The following PIGX variants were observed in gnomAD, a reference collection of about 807,000 sequenced individuals.
PIGX encodes the protein GPI alpha-1,4-mannosyltransferase I, stabilizing subunit.
PIGX carries 24 observed loss-of-function variants against 28.7 expected under a neutral mutation model. The ratio of observed to expected loss-of-function variants is 0.84; its 90% CI spans 0.60 to 1.17. The LOEUF is 1.17. PIGX is among the 50% of genes most tolerant of loss of function. PIGX has a pLI of 0.00. For synonymous variants in PIGX, 127 were observed against 121.0 expected, an observed-to-expected ratio of 1.05 and a Z score of -0.33; for missense variants, 305 against 317.8, an observed-to-expected ratio of 0.96 and a Z score of 0.31.
rs1712117246 is a variant in PIGX at position 196,716,855 on chromosome 3, T to C, written c.113-3T>C. The C allele has an allele frequency of 3.2e-6, 5 of 1,563,256 alleles. No homozygotes were observed. Among genetic ancestry groups the C allele is most frequent in the East Asian group, 2.3e-5 (1 of 43,768 alleles). Reference sequence around the variant, plus strand: ...TTAAAAAAAAATCGTTTGGTTCTTATAGGCATAAGGGCCATGTGTTCTGAA... The same window carrying C: ...TTAAAAAAAAATCGTTTGGTTCTTACAGGCATAAGGGCCATGTGTTCTGAA... On this transcript the variant is annotated splice_polypyrimidine_tract_variant and splice_region_variant and intron_variant, in intron 1 of 5. Coordinates refer to ENST00000392391, the MANE Select transcript of PIGX (RefSeq NM_017861.4).
intron 3 of PIGX, among the ~76,000 whole-genome samples, chr3:196,723,616 C>CTT (rs537275236): frequency 7.6e-4 from 103 of 135,088 alleles, no homozygotes; most frequent in East Asian, 3.6e-3. Context: ...CAGATGATTT[C>CTT]TTTTTTTTTT....
At position 196,733,112 on chromosome 3, in the gene PIGX, G is replaced by A. The variant is rs1291000193; in HGVS notation, c.634-647G>A. ...TGAAACATGGTAAGAGGAAGTAAAT[G>A]TTTATATTGATTACAGAGGTGACAC... On this transcript the variant is annotated intron_variant, in intron 5 of 5. Coordinates refer to ENST00000392391, the MANE Select transcript of PIGX (RefSeq NM_017861.4). The surrounding 1 kb of genome is among the most constrained non-coding windows in gnomAD (Gnocchi z 4.3). 2.6e-5 allele frequency among the ~76,000 whole-genome samples: 4 copies of A among 152,152 alleles called. No homozygotes were observed. In the South Asian group the frequency reaches 6.2e-4, roughly 24 times the overall value.
At position 196,735,293 on chromosome 3, in the gene PIGX, T is replaced by TAAAA. The variant is rs1712961712; in HGVS notation, c.*1391_*1392insAAAA. 1.1e-4 allele frequency: 1 copy of TAAAA among 9,114 alleles called. No homozygotes were observed. Among genetic ancestry groups the TAAAA allele is most frequent in the Non-Finnish European group, 1.8e-4 (1 of 5,424 alleles). 0.6% of individuals were successfully genotyped at this position (9,114 alleles called of 1,614,324 possible). A position where few individuals can be genotyped will look rare whatever the true frequency, so the allele number is the denominator to read the frequency against. ...CTGGGCGACAGAGTGAGACTCTGTC[T>TAAAA]CAAAAAAAAAAAAAAAAAAAAAAAA... is the stretch of plus-strand genomic sequence containing the variant. On this transcript the variant is annotated 3_prime_UTR_variant, in exon 6 of 6. Coordinates refer to ENST00000392391, the MANE Select transcript of PIGX (RefSeq NM_017861.4).
At position 196,716,929 on chromosome 3, in the gene PIGX, G is replaced by T. The variant is rs373407628; in HGVS notation, c.176+8G>T. 1.4e-5 allele frequency: 21 copies of T among 1,535,582 alleles called. No homozygotes were observed. The highest frequency in any genetic ancestry group is 1.7e-4 in the Middle Eastern group (1 of 5,900). On this transcript the variant is annotated splice_region_variant and intron_variant, in intron 2 of 5. Coordinates refer to ENST00000392391, the MANE Select transcript of PIGX (RefSeq NM_017861.4). ...GAAAGATGGTTTCCACAGGTAAGTT[G>T]CCTGTTGATTTCTATTTCTATTAAA...
Position 196,726,666 on chromosome 3 carries a change from ATG to A in PIGX, c.319-1256_319-1255del, listed in dbSNP as rs554317663. On this transcript the variant is annotated intron_variant, in intron 3 of 5. Coordinates refer to ENST00000392391, the MANE Select transcript of PIGX (RefSeq NM_017861.4). ...ATTTCCCTTGTCAGGAGAAGACTTC[ATG>A]GCGGCGGCTATGGTTGCCTTCTGAT... 198 of 456,570 alleles carry A rather than the reference ATG, an allele frequency of 4.3e-4. 1 individual carries two copies. The highest frequency in any genetic ancestry group is 2.6e-3 in the African/African-American group (133 of 50,196). 28.3% of individuals were successfully genotyped at this position (456,570 alleles called of 1,614,324 possible). A position where few individuals can be genotyped will look rare whatever the true frequency, so the allele number is the denominator to read the frequency against.
intron 2 of PIGX, among the ~76,000 whole-genome samples, chr3:196,717,603 A>G (rs1335854197): frequency 2.6e-5 from 4 of 152,180 alleles, no homozygotes; most frequent in Admixed American, 6.5e-5. Flanking sequence ...GTGCCTATAT[A>G]TACAATATTC....
chr3:196,732,224 A>G (rs1314830948), intron 5 of PIGX, among the ~76,000 whole-genome samples: 1 of 31,020 alleles, frequency 3.2e-5, no homozygotes, highest in Non-Finnish European at 5.8e-5. Context: ...ATTTATATAT[A>G]TATATATATA....
intron 3 of PIGX, among the ~76,000 whole-genome samples, chr3:196,722,824 TA>T (rs1712374156): frequency 6.6e-6 from 1 of 152,180 alleles, no homozygotes; most frequent in Non-Finnish European, 1.5e-5. Flanking sequence ...TTGAGAAAAT[TA>T]ATGATTAATA....
Position 196,722,543 on chromosome 3 carries a change from G to C in PIGX, c.305G>C (p.Arg102Thr). The C allele has an allele frequency of 6.2e-7, 1 of 1,613,362 alleles. No homozygotes were observed. Among genetic ancestry groups the C allele is most frequent in the South Asian group, 1.1e-5 (1 of 91,008 alleles). Reference sequence around the variant, plus strand: ...TATGAGTTGGCTTCATTACGAGAGAGAAACATAACAGAGGTACAGTTATTA... The same window carrying C: ...TATGAGTTGGCTTCATTACGAGAGACAAACATAACAGAGGTACAGTTATTA... The change falls in exon 3 of 6, where the codon AGA becomes ACA. Residue 102 changes from arginine to threonine, a missense_variant. Transcript: ENST00000392391.
At position 196,731,485 on chromosome 3, in the gene PIGX, G is replaced by A. The variant is rs531808827; in HGVS notation, c.633+393G>A. On this transcript the variant is annotated intron_variant, in intron 5 of 5. Transcript: ENST00000392391. Reference sequence around the variant, plus strand: ...GAGCCACCGTGCCCAGCTGGGATTAGCATTTTCTAATATAGAAAGCTGTTT... The same window carrying A: ...GAGCCACCGTGCCCAGCTGGGATTAACATTTTCTAATATAGAAAGCTGTTT... Among the ~76,000 whole-genome samples, 17 of 152,162 alleles carry A rather than the reference G, an allele frequency of 1.1e-4. 1 individual carries two copies. The East Asian group carries it at 2.7e-3, about 24-fold the overall frequency.
chr3:196,719,863 C>A (rs1304487850), intron 2 of PIGX, among the ~76,000 whole-genome samples: 1 of 151,912 alleles, frequency 6.6e-6, no homozygotes, highest in Non-Finnish European at 1.5e-5. Flanking sequence ...GATCTCGGCG[C>A]ACTGCAACTT....
chr3:196,718,329 G>A (rs535634277), intron 2 of PIGX, among the ~76,000 whole-genome samples: 1 of 152,028 alleles, frequency 6.6e-6, no homozygotes. Context: ...AAAAAAAAGG[G>A]GGGGAAGGGT....
intron 2 of PIGX, among the ~76,000 whole-genome samples, chr3:196,719,797 C>CT (rs200697118): frequency 0.04 from 5,902 of 146,676 alleles, 236 homozygotes; most frequent in Admixed American, 0.1. Flanking sequence ...ACAATTTTAA[C>CT]TTTTTTTTTT....
chr3:196,725,114 T>C (rs1035428720), intron 3 of PIGX, among the ~76,000 whole-genome samples: 2 of 152,232 alleles, frequency 1.3e-5, no homozygotes, highest in Non-Finnish European at 2.9e-5. Flanking sequence ...TTATTAAACA[T>C]ATTTTTTCAT....
intron 2 of PIGX, among the ~76,000 whole-genome samples, chr3:196,717,298 C>T (rs1396809631): frequency 1.8e-5 from 1 of 54,324 alleles, no homozygotes; most frequent in Non-Finnish European, 3.6e-5. Flanking sequence ...GAGACTCTGT[C>T]TCAAAAAAAG....
At chr3:196,719,323 T>C in intron 2 of PIGX, among the ~76,000 whole-genome samples, 2 of 152,212 alleles carry the variant, frequency 1.3e-5, no homozygotes, top group East Asian at 3.9e-4. Context: ...AATTGAGTAT[T>C]TATTTTTTAT....
rs1317965247 is a variant in PIGX at position 196,733,962 on chromosome 3, A to G, written c.*60A>G. Reference sequence around the variant, plus strand: ...ATAAGATCTATTAATTTCTGACGAGAGGTGTTCTTCTAGAATTAATTACTT... The same window carrying G: ...ATAAGATCTATTAATTTCTGACGAGGGGTGTTCTTCTAGAATTAATTACTT... On this transcript the variant is annotated 3_prime_UTR_variant, in exon 6 of 6. Transcript: ENST00000392391. The surrounding 1 kb of genome is among the most constrained non-coding windows in gnomAD (Gnocchi z 4.3). The G allele has an allele frequency of 9.4e-7, 1 of 1,060,710 alleles. No homozygotes were observed. Among genetic ancestry groups the G allele is most frequent in the African/African-American group, 1.6e-5 (1 of 63,356 alleles). The allele number at this position is 1,060,710 out of a possible 1,614,324, so 65.7% of individuals were successfully genotyped here.
intron 3 of PIGX, among the ~76,000 whole-genome samples, chr3:196,727,615 G>GTACC (rs1476643963): frequency 6.6e-6 from 1 of 152,082 alleles, no homozygotes; most frequent in East Asian, 1.9e-4. Context: ...TCTGTCTTAG[G>GTACC]TACCTATTTT....
chr3:196,731,523 A>G (rs1431666330), intron 5 of PIGX, among the ~76,000 whole-genome samples: 1 of 152,174 alleles, frequency 6.6e-6, no homozygotes, highest in Non-Finnish European at 1.5e-5. Flanking sequence ...TCTTACAGCA[A>G]AGGGTTACTA....
Sources: gnomAD v4.1 joint callset for allele counts (sites outside exome capture counted in the v4.1 genomes callset) on GRCh38, gnomAD v4.1.1 for gene constraint, Gnocchi (gnomAD v3.1) non-coding constraint, MANE v1.5 for transcripts, NCBI Gene and HGNC (gene_info 2026-07-23, HGNC 2026-07-21) for gene names.